Variants in TLCD2 observed in about 807,000 individuals in gnomAD.
TLCD2 encodes the protein TLC domain-containing protein 2.
In TLCD2, 12 loss-of-function variants were observed where a neutral mutation model predicts 14.0. That is an observed-to-expected ratio of 0.86 (90% CI 0.55 to 1.39). The LOEUF is 1.39. TLCD2 is among the 40% of genes most tolerant of loss of function. TLCD2 has a pLI of 0.00. For missense variants in TLCD2, 360 were observed against 346.8 expected (o/e 1.04, Z -0.30); for synonymous variants, 166 against 156.5 (o/e 1.06, Z -0.45).
Position 1,708,108 on chromosome 17 carries a change from G to A in TLCD2, c.457C>T (p.Leu153Phe), listed in dbSNP as rs1567706101. ...ACLHLRKLLL[L>F]SRQAPSLAFS... ...GCCAGGGATGGGGCCTGGCGAGAAA[G>A]CAACAGCAGCTTCCGCAGGTGCAAG... Residue 153 changes from leucine to phenylalanine, a missense_variant, in exon 4 of 4, where the codon CTT becomes TTT. Transcript: ENST00000330676. 1.3e-6 allele frequency: 2 copies of A among 1,537,078 alleles called. No individual in the cohort carries two copies. The highest frequency in any genetic ancestry group is 4.9e-5 in the East Asian group (2 of 40,908).
chr17:1,704,726 G>A lies in TLCD2; in HGVS notation c.*3044C>T, dbSNP rs867955442. On this transcript the variant is annotated 3_prime_UTR_variant, in exon 4 of 4. Coordinates refer to ENST00000330676, the MANE Select transcript of TLCD2 (RefSeq NM_001164407.2). ...GATATTCAATTTTTTTTTTTGAGAC[G>A]GAGTCTCACTCTGTCACCCCTGCTG... The A allele has an allele frequency of 2.7e-4, 40 of 148,654 alleles. No individual in the cohort carries two copies. The highest frequency in any genetic ancestry group is 7.7e-4 in the African/African-American group (31 of 40,322). The allele number at this position is 148,654 out of a possible 1,614,324, so 9.2% of individuals were successfully genotyped here.
chr17:1,703,242 G>T lies in TLCD2; in HGVS notation c.*4528C>A. On this transcript the variant is annotated 3_prime_UTR_variant, in exon 4 of 4. Transcript: ENST00000330676. ...CTGGCTCACCATGGTAGCAATTCGT[G>T]TGTGGTCCCAAATTCTTCCAAGCGT... 1 of 152,252 alleles carries T rather than the reference G, an allele frequency of 6.6e-6. No individual in the cohort carries two copies. Among genetic ancestry groups the T allele is most frequent in the Non-Finnish European group, 1.5e-5 (1 of 68,032 alleles). The allele number at this position is 152,252 out of a possible 1,614,324, so 9.4% of individuals were successfully genotyped here.
In TLCD2 at chr17:1,709,775, C is replaced by T. The variant is rs577574827; in HGVS notation, c.259+29G>A. 49 of 1,450,778 alleles carry T rather than the reference C, an allele frequency of 3.4e-5. 1 individual carries two copies. In the Middle Eastern group the frequency reaches 5.1e-4, roughly 15 times the overall value. 89.9% of individuals were successfully genotyped at this position (1,450,778 alleles called of 1,614,324 possible). ...AACCTGCCCCCCGCCCCATCCCCAC[C>T]ACCGGCCCAGCCTTCCCTGCAGACT... is the stretch of plus-strand genomic sequence containing the variant. On this transcript the variant is annotated intron_variant, in intron 2 of 3. Transcript: ENST00000330676.
chr17:1,708,478 GCTT>G (rs1914110909), intron 3 of TLCD2, among the ~76,000 whole-genome samples: 1 of 75,646 alleles, frequency 1.3e-5, no homozygotes, highest in South Asian at 3.7e-4. Context: ...GGGCTTGCTT[GCTT>G]TTTTTTTTTT....
At chr17:1,709,410 AAAAAAAG>A in intron 3 of TLCD2, 82 bp downstream of exon 3, 1 of 839,568 alleles carries the variant, frequency 1.2e-6, no homozygotes, top group Non-Finnish European at 1.8e-6. Context: ...AAAAAAAAAA[AAAAAAAG>A]AATGAGGAGA....
Position 1,707,704 on chromosome 17 carries a change from G to A in TLCD2, c.*66C>T. The stretch of plus-strand genomic sequence containing the variant: ...GGCCCTCACCCTGATGGGGGACTGT[G>A]CATGGAAGACCCTCATCTCCTTGTC... On this transcript the variant is annotated 3_prime_UTR_variant, in exon 4 of 4. Transcript: ENST00000330676. The A allele has an allele frequency of 3.8e-6, 5 of 1,305,344 alleles. No homozygotes were observed. The highest frequency in any genetic ancestry group is 5.1e-6 in the Non-Finnish European group (5 of 975,038). The allele number at this position is 1,305,344 out of a possible 1,614,324, so 80.9% of individuals were successfully genotyped here.
chr17:1,708,590 A>G (rs576381447), intron 3 of TLCD2, among the ~76,000 whole-genome samples: 11 of 147,592 alleles, frequency 7.5e-5, no homozygotes, highest in Admixed American at 6.2e-4. Flanking sequence ...GGGTTCAAGC[A>G]ATTCTCCTGC....
chr17:1,709,762 GC>G, intron 2 of TLCD2, 41 bp downstream of exon 2: 1 of 1,037,496 alleles, frequency 9.6e-7, no homozygotes, highest in Non-Finnish European at 1.4e-6. Context: ...CCTGCCCCCC[GC>G]CCCATCCCCA....
At position 1,703,702 on chromosome 17, in the gene TLCD2, ACAC is replaced by A. The variant is rs1305873877; in HGVS notation, c.*4065_*4067del. 1 of 152,138 alleles carries A rather than the reference ACAC, an allele frequency of 6.6e-6. No homozygotes were observed. The highest frequency in any genetic ancestry group is 2.4e-5 in the African/African-American group (1 of 41,434). 9.4% of individuals were successfully genotyped at this position (152,138 alleles called of 1,614,324 possible). On this transcript the variant is annotated 3_prime_UTR_variant, in exon 4 of 4. Coordinates refer to ENST00000330676, the MANE Select transcript of TLCD2 (RefSeq NM_001164407.2). ...ACACTATCAAGTATTACCAAAAGGG[ACAC>A]TCACTCAAACCATCATGAATGTATA...
Position 1,703,809 on chromosome 17 carries a change from A to T in TLCD2, c.*3961T>A, listed in dbSNP as rs1253423687. On this transcript the variant is annotated 3_prime_UTR_variant, in exon 4 of 4. Transcript: ENST00000330676. The stretch of plus-strand genomic sequence containing the variant: ...CAGATATTTAAGGAATAGATTCCTC[A>T]CATGAGTTTGTCATATTTCTTTTTC... 2 of 152,234 alleles carry T rather than the reference A, an allele frequency of 1.3e-5. No homozygotes were observed. Among genetic ancestry groups the T allele is most frequent in the East Asian group, 3.8e-4 (2 of 5,206 alleles). 9.4% of individuals were successfully genotyped at this position (152,234 alleles called of 1,614,324 possible). A position where few individuals can be genotyped will look rare whatever the true frequency, so the allele number is the denominator to read the frequency against.
Position 1,707,889 on chromosome 17 carries a change from C to T in TLCD2, c.676G>A (p.Val226Ile). The T allele has an allele frequency of 2.0e-6, 3 of 1,537,280 alleles. No homozygotes were observed. Among genetic ancestry groups the T allele is most frequent in the Non-Finnish European group, 2.6e-6 (3 of 1,146,924 alleles). Residue 226 changes from valine (V) to isoleucine (I), a missense_variant, in exon 4 of 4, where the codon GTC becomes ATC. Transcript: ENST00000330676. ...GGTGGATGGGGTCGAGACTGTAGGA[C>T]ATCATTGACCAGAATACGGATCCCC... ...ILGIRILVND[V>I]LQSRPHPPSP...
chr17:1,710,125 AC>A lies in TLCD2; in HGVS notation c.117del (p.Trp39CysfsTer78). The A allele has an allele frequency of 6.5e-7, 1 of 1,533,240 alleles. No individual in the cohort carries two copies. Among genetic ancestry groups the A allele is most frequent in the Non-Finnish European group, 8.7e-7 (1 of 1,146,294 alleles). The allele number at this position is 1,533,240 out of a possible 1,614,324, so 95.0% of individuals were successfully genotyped here. Reference sequence around the variant, plus strand: ...TGCGCCAGGGAGACGCAGAGGTTCCACCACTGCCAGCGGTCCCGAGCGGCCG... The same window carrying A: ...TGCGCCAGGGAGACGCAGAGGTTCCACACTGCCAGCGGTCCCGAGCGGCCG... ...PESAARDRWQ[W>X]WNLCVSLAHS... On this transcript the variant is annotated frameshift_variant, in exon 1 of 4. Coordinates refer to ENST00000330676, the MANE Select transcript of TLCD2 (RefSeq NM_001164407.2). LOFTEE classifies it high-confidence loss of function. This position sits in a 1 kb window ranked among gnomAD's most constrained non-coding sequence, Gnocchi z 6.1.
At position 1,710,035 on chromosome 17, in the gene TLCD2, G is replaced by T; in HGVS notation, c.176+32C>A. 2 of 1,529,522 alleles carry T rather than the reference G, an allele frequency of 1.3e-6. No individual in the cohort carries two copies. Among genetic ancestry groups the T allele is most frequent in the South Asian group, 1.2e-5 (1 of 83,446 alleles). 94.7% of individuals were successfully genotyped at this position (1,529,522 alleles called of 1,614,324 possible). A position where few individuals can be genotyped will look rare whatever the true frequency, so the allele number is the denominator to read the frequency against. On this transcript the variant is annotated intron_variant, in intron 1 of 3. Coordinates refer to ENST00000330676, the MANE Select transcript of TLCD2 (RefSeq NM_001164407.2). The surrounding 1 kb of genome is among the most constrained non-coding windows in gnomAD (Gnocchi z 6.1). Reference sequence around the variant, plus strand: ...CCTCAGCCTCCCACCCCTCGCCCTCGCCCCGTGCGCCTCGAGCCCCCAAGC... The same window carrying T: ...CCTCAGCCTCCCACCCCTCGCCCTCTCCCCGTGCGCCTCGAGCCCCCAAGC...
At chr17:1,709,420 T>TGAGGA (rs1375261697) in intron 3 of TLCD2, 79 bp downstream of exon 3, 5 of 627,818 alleles carry the variant, frequency 8.0e-6, no homozygotes, top group Non-Finnish European at 1.3e-5. Flanking sequence ...AAAAAAAGAA[T>TGAGGA]GAGGAGAGAC....
rs1341086920 is a variant in TLCD2, at chr17:1,705,505, T to G, written c.*2265A>C. 6.6e-6 allele frequency: 1 copy of G among 152,356 alleles called. No homozygotes were observed. The highest frequency in any genetic ancestry group is 1.5e-5 in the Non-Finnish European group (1 of 68,172). 9.4% of individuals were successfully genotyped at this position (152,356 alleles called of 1,614,324 possible). A position where few individuals can be genotyped will look rare whatever the true frequency, so the allele number is the denominator to read the frequency against. On this transcript the variant is annotated 3_prime_UTR_variant, in exon 4 of 4. Transcript: ENST00000330676. ...CTGGTCCTTTTTGTTTATAACCCTT[T>G]TATCAGTTCTGTGACTTTGGTGTCT...
chr17:1,708,240 A>G lies in TLCD2; in HGVS notation c.343-18T>C. On this transcript the variant is annotated intron_variant, in intron 3 of 3. Transcript: ENST00000330676. ...CTCACCACCTGGGAGCCAGGGTCAC[A>G]GGTCAGAGGAACCCCATGACCTGCC... The G allele has an allele frequency of 6.7e-7, 1 of 1,499,808 alleles. No homozygotes were observed. 92.9% of individuals were successfully genotyped at this position (1,499,808 alleles called of 1,614,324 possible).
In TLCD2 at chr17:1,708,239, C is replaced by T; in HGVS notation, c.343-17G>A. ...GCTCACCACCTGGGAGCCAGGGTCA[C>T]AGGTCAGAGGAACCCCATGACCTGC... On this transcript the variant is annotated splice_polypyrimidine_tract_variant and intron_variant, in intron 3 of 3. Coordinates refer to ENST00000330676, the MANE Select transcript of TLCD2 (RefSeq NM_001164407.2). 6.6e-7 allele frequency: 1 copy of T among 1,508,756 alleles called. No individual in the cohort carries two copies. The highest frequency in any genetic ancestry group is 1.2e-5 in the South Asian group (1 of 80,204). The allele number at this position is 1,508,756 out of a possible 1,614,324, so 93.5% of individuals were successfully genotyped here.
Position 1,705,843 on chromosome 17 carries a change from C to G in TLCD2, c.*1927G>C, listed in dbSNP as rs1322533668. ...TGTTTAGTGGAACAGCAGACTTAAT[C>G]TGCTGGGCACTTCCCGTCACCTCGA... On this transcript the variant is annotated 3_prime_UTR_variant, in exon 4 of 4. Coordinates refer to ENST00000330676, the MANE Select transcript of TLCD2 (RefSeq NM_001164407.2). 6.6e-6 allele frequency: 1 copy of G among 152,194 alleles called. No individual in the cohort carries two copies. The allele number at this position is 152,194 out of a possible 1,614,324, so 9.4% of individuals were successfully genotyped here. A position where few individuals can be genotyped will look rare whatever the true frequency, so the allele number is the denominator to read the frequency against.
In TLCD2 at chr17:1,708,242, G is replaced by A; in HGVS notation, c.343-20C>T. On this transcript the variant is annotated intron_variant, in intron 3 of 3. Coordinates refer to ENST00000330676, the MANE Select transcript of TLCD2 (RefSeq NM_001164407.2). Reference sequence around the variant, plus strand: ...CACCACCTGGGAGCCAGGGTCACAGGTCAGAGGAACCCCATGACCTGCCAG... The same window carrying A: ...CACCACCTGGGAGCCAGGGTCACAGATCAGAGGAACCCCATGACCTGCCAG... The A allele has an allele frequency of 1.3e-6, 2 of 1,500,036 alleles. No individual in the cohort carries two copies. Among genetic ancestry groups the A allele is most frequent in the South Asian group, 2.5e-5 (2 of 79,334 alleles). 92.9% of individuals were successfully genotyped at this position (1,500,036 alleles called of 1,614,324 possible).
Sources: gnomAD v4.1 joint callset for allele counts (sites outside exome capture counted in the v4.1 genomes callset) on GRCh38, gnomAD v4.1.1 for gene constraint, Gnocchi (gnomAD v3.1) non-coding constraint, MANE v1.5 for transcripts, NCBI Gene and HGNC (gene_info 2026-07-23, HGNC 2026-07-21) for gene names.